RSPH3: variants seen among roughly 807,000 people sequenced by gnomAD.
RSPH3 encodes the protein radial spoke head protein 3 homolog.
In RSPH3, 21 loss-of-function variants were observed where a neutral mutation model predicts 43.8. The observed-to-expected ratio is 0.48, with a 90% CI of 0.34 to 0.69. RSPH3 has a LOEUF of 0.69. Ranked by LOEUF, RSPH3 falls within the 30% of genes least tolerant of loss-of-function variation. The probability of loss-of-function intolerance (pLI) is 0.01; values close to 1 mark genes in which losing one functional copy is unlikely to be tolerated. For synonymous variants in RSPH3, 173 were observed against 179.8 expected, an observed-to-expected ratio of 0.96 and a Z score of 0.30; for missense variants, 487 against 516.0, an observed-to-expected ratio of 0.94 and a Z score of 0.54.
At chr6:158,995,478 C>G (rs1778560113) in intron 1 of RSPH3, among the ~76,000 whole-genome samples, 1 of 152,192 alleles carries the variant, frequency 6.6e-6, no homozygotes, top group African/African-American at 2.4e-5. Context: ...AGAGACTGCC[C>G]TCATTCCGTG....
chr6:158,991,360 G>C (rs1006549334), intron 2 of RSPH3, among the ~76,000 whole-genome samples: 1 of 152,000 alleles, frequency 6.6e-6, no homozygotes, highest in Non-Finnish European at 1.5e-5. Flanking sequence ...CACCCTTTTT[G>C]TTTTAGTGCA....
At chr6:158,992,980 C>G (rs950099101) in intron 2 of RSPH3, among the ~76,000 whole-genome samples, 7 of 152,134 alleles carry the variant, frequency 4.6e-5, no homozygotes, top group African/African-American at 1.7e-4. Context: ...ATGCAATAGA[C>G]AAGTGCCACT....
chr6:158,983,353 T>C (rs998780099), intron 4 of RSPH3, among the ~76,000 whole-genome samples: 4 of 152,338 alleles, frequency 2.6e-5, no homozygotes, highest in African/African-American at 9.6e-5. Flanking sequence ...TATTTTTCCC[T>C]ATTTAGTACA....
intron 3 of RSPH3, among the ~76,000 whole-genome samples, chr6:158,985,730 G>A (rs1379617296): frequency 2.0e-5 from 3 of 149,152 alleles, no homozygotes; most frequent in Non-Finnish European, 4.5e-5. Context: ...TCTTCTTTTT[G>A]TTTTTTTTAA....
At position 158,977,796 on chromosome 6, in the gene RSPH3, T is replaced by C. The variant is rs771421263; in HGVS notation, c.999A>G (p.Glu333=). ...CGGGTTCTGGAGACTGATGTGTGTC[T>C]TCCCCATGCTCATACATACACAGCC... ...EKRLCMYEHG[E]DTHQSPEPED... Residue 333 remains glutamate (E), a synonymous_variant, in exon 8 of 8, where the codon GAA becomes GAG. Transcript: ENST00000367069. The C allele has an allele frequency of 1.2e-6, 2 of 1,614,146 alleles. No homozygotes were observed. Among genetic ancestry groups the C allele is most frequent in the Non-Finnish European group, 1.7e-6 (2 of 1,180,030 alleles).
At chr6:158,969,915 T>A (rs961598791), downstream of RSPH3, among the ~76,000 whole-genome samples, 1 of 152,228 alleles carries the variant, frequency 6.6e-6, no homozygotes, top group Non-Finnish European at 1.5e-5. Flanking sequence ...TTCTCATACT[T>A]ACTTTAATTC....
chr6:158,986,142 A>T, intron 3 of RSPH3, 138 bp downstream of exon 3: 1 of 837,016 alleles, frequency 1.2e-6, no homozygotes, highest in Non-Finnish European at 1.9e-6. Flanking sequence ...TTAATAAAGG[A>T]ACTTCCCTAC....
chr6:158,991,332 A>C (rs928926026), intron 2 of RSPH3, among the ~76,000 whole-genome samples: 2 of 152,078 alleles, frequency 1.3e-5, no homozygotes, highest in Admixed American at 1.3e-4. Context: ...GATTCTATTT[A>C]ATTTTTCAGT....
Position 158,973,837 on chromosome 6 carries a change from T to C in RSPH3, c.*3701A>G, listed in dbSNP as rs1303773683. On this transcript the variant is annotated 3_prime_UTR_variant, in exon 8 of 8. Transcript: ENST00000367069. ...AATGACAATTTCTTTTTCTTTCTTT[T>C]TTTTTTTTTTGAGACGGAGTCTTGC... 1.3e-5 allele frequency: 2 copies of C among 152,008 alleles called. No homozygotes were observed. The highest frequency in any genetic ancestry group is 4.1e-4 in the South Asian group (2 of 4,828). The allele number at this position is 152,008 out of a possible 1,614,324, so 9.4% of individuals were successfully genotyped here. A position where few individuals can be genotyped will look rare whatever the true frequency, so the allele number is the denominator to read the frequency against.
Position 158,980,928 on chromosome 6 carries a change from AC to A in RSPH3, c.704del (p.Arg235LeufsTer8), listed in dbSNP as rs1185695003. On this transcript the variant is annotated frameshift_variant, in exon 6 of 8. Transcript: ENST00000367069. LOFTEE classifies it high-confidence loss of function. ...GCATTATTTCCCACTGCTGTTTCTT[AC>A]GCCGTTCCTGCCAAGAACGACAGAG... ...ERRHREEKER[R>X]KKQQWEIMHK... The A allele has an allele frequency of 6.2e-7, 1 of 1,614,010 alleles. No individual in the cohort carries two copies. The highest frequency in any genetic ancestry group is 2.2e-5 in the East Asian group (1 of 44,884).
rs1170551779 is a variant in RSPH3, at chr6:158,999,718, A to C, written c.-168T>G. 1 of 1,613,496 alleles carries C rather than the reference A, an allele frequency of 6.2e-7. No homozygotes were observed. Among genetic ancestry groups the C allele is most frequent in the Non-Finnish European group, 8.5e-7 (1 of 1,179,782 alleles). On this transcript the variant is annotated 5_prime_UTR_variant, in exon 1 of 8. Transcript: ENST00000367069. ...GGGCGGGACGGGAGGTTACCAGCGC[A>C]GGAGGTGGGAGCTATACTGGGCTCG...
chr6:158,985,664 C>T (rs1164123555), intron 3 of RSPH3, among the ~76,000 whole-genome samples: 1 of 152,028 alleles, frequency 6.6e-6, no homozygotes, highest in African/African-American at 2.4e-5. Flanking sequence ...GATCCTCCCG[C>T]CTTGCCTCCC....
In RSPH3 at chr6:159,000,112, C is replaced by CCGCGG. The variant is rs1778822323; in HGVS notation, c.-567_-563dup. On this transcript the variant is annotated 5_prime_UTR_variant, in exon 1 of 8. Coordinates refer to ENST00000367069, the MANE Select transcript of RSPH3 (RefSeq NM_031924.8). Reference sequence around the variant, plus strand: ...AGGGTGTCCTCGGCTGTTTCTCCTGCCGCGGCGCAGCAGCGCTCCCAGGCT... The same window carrying CCGCGG: ...AGGGTGTCCTCGGCTGTTTCTCCTGCCGCGGCGCGGCGCAGCAGCGCTCCCAGGCT... 2 of 947,148 alleles carry CCGCGG rather than the reference C, an allele frequency of 2.1e-6. No individual in the cohort carries two copies. Among genetic ancestry groups the CCGCGG allele is most frequent in the South Asian group, 3.7e-5 (2 of 54,380 alleles). 58.7% of individuals were successfully genotyped at this position (947,148 alleles called of 1,614,324 possible).
At chr6:158,983,253 T>TA (rs200974114) in intron 4 of RSPH3, among the ~76,000 whole-genome samples, 30 of 152,222 alleles carry the variant, frequency 2.0e-4, no homozygotes, top group African/African-American at 7.0e-4. Flanking sequence ...ATGTAATTAT[T>TA]AAAATTTTTT....
rs1300682154 is a variant in RSPH3, at chr6:158,977,412, A to G, written c.*126T>C. 7.7e-6 allele frequency: 6 copies of G among 781,490 alleles called. No individual in the cohort carries two copies. The highest frequency in any genetic ancestry group is 1.8e-5 in the South Asian group (1 of 56,800). The allele number at this position is 781,490 out of a possible 1,614,324, so 48.4% of individuals were successfully genotyped here. A position where few individuals can be genotyped will look rare whatever the true frequency, so the allele number is the denominator to read the frequency against. On this transcript the variant is annotated 3_prime_UTR_variant, in exon 8 of 8. Coordinates refer to ENST00000367069, the MANE Select transcript of RSPH3 (RefSeq NM_031924.8). ...TTATCACATTTGATTGGCCCAGTCC[A>G]TTACACAAAAAGACATACTGACTAA...
intron 5 of RSPH3, among the ~76,000 whole-genome samples, chr6:158,981,412 G>T (rs551414905): frequency 2.6e-5 from 4 of 152,194 alleles, no homozygotes; most frequent in South Asian, 4.1e-4. Flanking sequence ...TATTTATAAA[G>T]GTGATGAATC....
intron 3 of RSPH3, 120 bp downstream of exon 3, chr6:158,986,160 T>A (rs1778231405): frequency 2.1e-6 from 2 of 940,740 alleles, no homozygotes; most frequent in Admixed American, 4.8e-5. Flanking sequence ...TACCATGTGA[T>A]CGGGGAAGTA....
chr6:159,000,078 T>C lies in RSPH3; in HGVS notation c.-528A>G. On this transcript the variant is annotated 5_prime_UTR_variant, in exon 1 of 8. Coordinates refer to ENST00000367069, the MANE Select transcript of RSPH3 (RefSeq NM_031924.8). ...CCATTCTCGCAGGCCCACGTGCTCCTGCTCTTCCAGGGTGTCCTCGGCTGT... is the reference window on the plus strand; with the variant it reads ...CCATTCTCGCAGGCCCACGTGCTCCCGCTCTTCCAGGGTGTCCTCGGCTGT... 8.0e-7 allele frequency: 1 copy of C among 1,245,908 alleles called. No individual in the cohort carries two copies. Among genetic ancestry groups the C allele is most frequent in the Non-Finnish European group, 1.1e-6 (1 of 913,628 alleles). The allele number at this position is 1,245,908 out of a possible 1,614,324, so 77.2% of individuals were successfully genotyped here.
At chr6:158,996,966 T>C (rs77229930) in intron 1 of RSPH3, among the ~76,000 whole-genome samples, 2,477 of 152,296 alleles carry the variant, frequency 0.016, 30 homozygotes, top group Middle Eastern at 0.024. Flanking sequence ...AGGGAACTCT[T>C]ACTCTCAAGA....
Sources: gnomAD v4.1 joint callset for allele counts (sites outside exome capture counted in the v4.1 genomes callset) on GRCh38, gnomAD v4.1.1 for gene constraint, MANE v1.5 for transcripts, NCBI Gene and HGNC (gene_info 2026-07-23, HGNC 2026-07-21) for gene names.